CNTNAP2: variants seen among roughly 807,000 people sequenced by gnomAD.
The protein encoded by CNTNAP2 is contactin associated protein 2.
A neutral mutation model predicts 155.2 loss-of-function variants in CNTNAP2; 98 were observed. The ratio of observed to expected loss-of-function variants is 0.63; its 90% CI spans 0.54 to 0.75. CNTNAP2 has a LOEUF of 0.75. CNTNAP2 is among the 30% of genes least tolerant of loss of function. The pLI is 0.00. For missense variants in CNTNAP2, 1,727 were observed against 1,688.1 expected, an observed-to-expected ratio of 1.02 and a Z score of -0.40; for synonymous variants, 651 against 631.2, an observed-to-expected ratio of 1.03 and a Z score of -0.47.
chr7:146,695,988 T>C (rs143194917), intron 1 of CNTNAP2, among the ~76,000 whole-genome samples: 1,806 of 152,248 alleles, frequency 0.012, 21 homozygotes, highest in Middle Eastern at 0.054. Flanking sequence ...TGAGAGATAT[T>C]AGTAATTTTC....
At chr7:146,914,392 C>T (rs1796352414) in intron 3 of CNTNAP2, among the ~76,000 whole-genome samples, 1 of 151,954 alleles carries the variant, frequency 6.6e-6, no homozygotes, top group Non-Finnish European at 1.5e-5. Context: ...CAGTAGTTGT[C>T]CTAGTTTTCC....
intron 1 of CNTNAP2, among the ~76,000 whole-genome samples, chr7:146,739,323 C>T (rs1490322111): frequency 2.6e-5 from 4 of 151,826 alleles, no homozygotes; most frequent in Middle Eastern, 3.4e-3. Flanking sequence ...TTTTGCTCTC[C>T]CAGGGGTTTT....
intron 1 of CNTNAP2, among the ~76,000 whole-genome samples, chr7:146,647,435 AC>A (rs1265836570): frequency 1.3e-4 from 20 of 152,202 alleles, no homozygotes; most frequent in African/African-American, 4.8e-4. Flanking sequence ...TGTTAAAAAA[AC>A]AAATAACTGA....
At chr7:148,322,163 T>C (rs1474346683) in intron 21 of CNTNAP2, among the ~76,000 whole-genome samples, 1 of 152,104 alleles carries the variant, frequency 6.6e-6, no homozygotes, top group African/African-American at 2.4e-5. Context: ...CCTCAGGGGA[T>C]CCGCCCACCT....
chr7:146,621,141 C>A (rs1252992576), intron 1 of CNTNAP2, among the ~76,000 whole-genome samples: 1 of 152,050 alleles, frequency 6.6e-6, no homozygotes, highest in Non-Finnish European at 1.5e-5. Context: ...GTATCCCTAC[C>A]CCCATTTTGT....
chr7:147,577,974 C>A (rs1157300), intron 12 of CNTNAP2, among the ~76,000 whole-genome samples: 104,739 of 151,794 alleles, frequency 0.69, 36,693 homozygotes, highest in African/African-American at 0.81. Context: ...AATCTCCATT[C>A]CTATTGATAT....
intron 1 of CNTNAP2, among the ~76,000 whole-genome samples, chr7:146,124,381 A>T (rs946523463): frequency 3.3e-5 from 5 of 152,184 alleles, no homozygotes; most frequent in Admixed American, 3.3e-4. Context: ...TCTTAATGGG[A>T]ACCAAATTAT....
intron 1 of CNTNAP2, among the ~76,000 whole-genome samples, chr7:146,159,598 C>T (rs1367897247): frequency 6.6e-6 from 1 of 152,032 alleles, no homozygotes; most frequent in Non-Finnish European, 1.5e-5. Flanking sequence ...ATCTTAGTCT[C>T]TGATAAAACT....
chr7:146,330,545 A>C (rs970480605), intron 1 of CNTNAP2, among the ~76,000 whole-genome samples: 77 of 152,332 alleles, frequency 5.1e-4, no homozygotes, highest in African/African-American at 1.8e-3. Context: ...AGGACAGAGA[A>C]TAATGGGGAC....
At position 147,859,413 on chromosome 7, in the gene CNTNAP2, G is replaced by C. The variant is rs1220379262; in HGVS notation, c.2099-44152G>C. Among the ~76,000 whole-genome samples the C allele has an allele frequency of 2.9e-5, 3 of 105,192 alleles. No homozygotes were observed. In the East Asian group the frequency reaches 8.4e-4, roughly 29 times the overall value. The allele number at this position is 105,192 out of a possible 152,430, so 69.0% of individuals were successfully genotyped here. On this transcript the variant is annotated intron_variant, in intron 13 of 23. Transcript: ENST00000361727. Reference sequence around the variant, plus strand: ...TAGCAAATTAATGATGTGCTGACAAGATCAAGACCAAAAAAAAAAAAAAAA... The same window carrying C: ...TAGCAAATTAATGATGTGCTGACAACATCAAGACCAAAAAAAAAAAAAAAA...
chr7:147,793,491 C>T (rs188423244), intron 13 of CNTNAP2, among the ~76,000 whole-genome samples: 1 of 152,090 alleles, frequency 6.6e-6, no homozygotes, highest in East Asian at 1.9e-4. Flanking sequence ...ATCAGTTGAC[C>T]ATAACTCTGA....
intron 15 of CNTNAP2, among the ~76,000 whole-genome samples, chr7:148,064,692 A>C (rs1803221297): frequency 1.3e-5 from 2 of 151,866 alleles, no homozygotes; most frequent in South Asian, 4.1e-4. Context: ...AAAAAAAAAA[A>C]AAAAACTCAA....
chr7:148,119,068 TC>T (rs1453635054), intron 16 of CNTNAP2, among the ~76,000 whole-genome samples: 2 of 152,126 alleles, frequency 1.3e-5, no homozygotes, highest in Non-Finnish European at 2.9e-5. Context: ...TCCCCTGACT[TC>T]CAGGCCAGTT....
chr7:146,224,591 C>CAAA (rs35333614), intron 1 of CNTNAP2, among the ~76,000 whole-genome samples: 17 of 148,282 alleles, frequency 1.1e-4, no homozygotes, highest in African/African-American at 4.0e-4. Flanking sequence ...ACAAAAAATA[C>CAAA]AAAAAAAAAA....
chr7:146,522,456 A>G (rs1366950148), intron 1 of CNTNAP2, among the ~76,000 whole-genome samples: 2 of 152,080 alleles, frequency 1.3e-5, no homozygotes, highest in East Asian at 1.9e-4. Context: ...AGGGTTTGTG[A>G]TAACTACATC....
intron 18 of CNTNAP2, among the ~76,000 whole-genome samples, chr7:148,185,071 T>C (rs1475995411): frequency 1.3e-5 from 2 of 152,226 alleles, no homozygotes; most frequent in Non-Finnish European, 2.9e-5. Context: ...AGTGTTGCCA[T>C]AACCAACAGC....
chr7:146,839,933 C>T (rs373770508), intron 3 of CNTNAP2, 29 bp downstream of exon 3: 264 of 1,610,096 alleles, frequency 1.6e-4, no homozygotes, highest in Non-Finnish European at 2.1e-4. Flanking sequence ...AGCAAAGACA[C>T]AGAATTGGAT....
chr7:146,876,861 T>C (rs2129208423), intron 3 of CNTNAP2, among the ~76,000 whole-genome samples: 1 of 152,312 alleles, frequency 6.6e-6, no homozygotes, highest in Admixed American at 6.5e-5. Flanking sequence ...ATGCACATTT[T>C]TTCCTCTGTC....
chr7:146,223,412 G>A (rs539222567), intron 1 of CNTNAP2, among the ~76,000 whole-genome samples: 2 of 152,328 alleles, frequency 1.3e-5, no homozygotes, highest in East Asian at 3.9e-4. Context: ...ATAGCAGAAA[G>A]AGGTCAGTGA....
Sources: gnomAD v4.1 joint callset for allele counts (sites outside exome capture counted in the v4.1 genomes callset) on GRCh38, gnomAD v4.1.1 for gene constraint, MANE v1.5 for transcripts, NCBI Gene and HGNC (gene_info 2026-07-23, HGNC 2026-07-21) for gene names.